Variants in ODR4 observed in about 807,000 individuals in gnomAD.
The protein encoded by ODR4 is odr-4 GPCR localization factor homolog.
A neutral mutation model predicts 60.2 loss-of-function variants in ODR4; 47 were observed. That is an observed-to-expected ratio of 0.78 (90% CI 0.62 to 1.00). The LOEUF (loss-of-function observed/expected upper bound fraction) is 1.00, where lower values mean the gene tolerates loss of function less well. Ranked by LOEUF, ODR4 falls within the 50% of genes least tolerant of loss-of-function variation. The pLI is 0.00. For missense variants in ODR4, 488 were observed against 530.8 expected (o/e 0.92, Z 0.79); for synonymous variants, 178 against 175.5 (o/e 1.01, Z -0.11).
At chr1:186,400,975 A>G (rs955685597) in intron 11 of ODR4, 26 of 1,464,814 alleles carry the variant, frequency 1.8e-5, no homozygotes, top group Non-Finnish European at 2.0e-5. Context: ...CCTGTGGTGT[A>G]AATCATTGCT....
intron 12 of ODR4, among the ~76,000 whole-genome samples, chr1:186,414,867 T>G (rs1358569411): frequency 6.6e-6 from 1 of 152,192 alleles, no homozygotes; most frequent in African/African-American, 2.4e-5. Context: ...AGAGCCGAAG[T>G]TTGTTTTTGT....
chr1:186,423,933 C>A (rs1661841067), downstream of ODR4, among the ~76,000 whole-genome samples: 1 of 152,076 alleles, frequency 6.6e-6, no homozygotes, highest in African/African-American at 2.4e-5. Flanking sequence ...TACAACAATA[C>A]CAATAAAGAT....
chr1:186,429,475 A>G, the ODR4 span, among the ~76,000 whole-genome samples: 356 of 152,274 alleles, frequency 2.3e-3, 2 homozygotes, highest in South Asian at 0.024. Flanking sequence ...TAAGATATGC[A>G]TGTTTAGGAG....
chr1:186,429,154 G>C, the ODR4 span, among the ~76,000 whole-genome samples: 100 of 152,252 alleles, frequency 6.6e-4, no homozygotes, highest in African/African-American at 2.3e-3. Context: ...GGGAGACTGA[G>C]GTGGGAAGAC....
intron 1 of ODR4, among the ~76,000 whole-genome samples, chr1:186,379,443 C>CAAA (rs57320656): frequency 3.4e-5 from 2 of 58,482 alleles, no homozygotes; most frequent in African/African-American, 5.0e-5. Flanking sequence ...AACTCCGTCT[C>CAAA]AAAAAAAAAA....
chr1:186,433,871 G>A, the ODR4 span, among the ~76,000 whole-genome samples: 3 of 152,194 alleles, frequency 2.0e-5, no homozygotes, highest in East Asian at 1.9e-4. Flanking sequence ...GAGCCACCGC[G>A]CCTGGCCAGT....
the ODR4 span, among the ~76,000 whole-genome samples, chr1:186,434,461 A>G: frequency 2.6e-5 from 4 of 152,140 alleles, no homozygotes; most frequent in African/African-American, 9.7e-5. Flanking sequence ...CTGGAACTGG[A>G]AAGAATGGTA....
In ODR4 at chr1:186,393,975, C is replaced by G. The variant is rs1048894319; in HGVS notation, c.740C>G (p.Ala247Gly). 6.6e-7 allele frequency: 1 copy of G among 1,523,638 alleles called. No individual in the cohort carries two copies. The highest frequency in any genetic ancestry group is 1.2e-5 in the South Asian group (1 of 82,332). 94.4% of individuals were successfully genotyped at this position (1,523,638 alleles called of 1,614,324 possible). Residue 247 changes from alanine (A) to glycine (G), a missense_variant, in exon 9 of 14, where the codon GCA becomes GGA. By Grantham distance (60) the Ala-to-Gly change is moderately conservative. Coordinates refer to ENST00000287859, the MANE Select transcript of ODR4 (RefSeq NM_017847.6). ...AAATCTTCTAGAGGAAATACTCAAG[C>G]AACTAGTCATTCTTTTGATGTCAGA... ...QKKSSRGNTQ[A>G]TSHSFDVRVL...
In ODR4 at chr1:186,406,045, A is replaced by T. The variant is rs1661162431; in HGVS notation, c.1001-38A>T. 5.7e-6 allele frequency: 8 copies of T among 1,392,334 alleles called. No individual in the cohort carries two copies. In the East Asian group the frequency reaches 1.2e-4, roughly 22 times the overall value. The allele number at this position is 1,392,334 out of a possible 1,614,324, so 86.2% of individuals were successfully genotyped here. A position where few individuals can be genotyped will look rare whatever the true frequency, so the allele number is the denominator to read the frequency against. On this transcript the variant is annotated intron_variant, in intron 11 of 13. Coordinates refer to ENST00000287859, the MANE Select transcript of ODR4 (RefSeq NM_017847.6). ...TATGTATCACTGATACCAGTGACAA[A>T]CCTATCTAAATATTGATAATATTTC...
At chr1:186,413,542 A>T (rs1661447907) in intron 12 of ODR4, among the ~76,000 whole-genome samples, 1 of 152,180 alleles carries the variant, frequency 6.6e-6, no homozygotes. Flanking sequence ...CTCCTAGTAG[A>T]TGTTAACTTG....
At chr1:186,418,061 G>T (rs923261423) in intron 13 of ODR4, among the ~76,000 whole-genome samples, 3 of 152,126 alleles carry the variant, frequency 2.0e-5, no homozygotes, top group Non-Finnish European at 4.4e-5. Flanking sequence ...AAGGCTCTAA[G>T]AATTACTTTA....
chr1:186,410,537 C>T (rs1024412035), intron 12 of ODR4, among the ~76,000 whole-genome samples: 2 of 152,030 alleles, frequency 1.3e-5, no homozygotes, highest in African/African-American at 2.4e-5. Context: ...AATGTATATG[C>T]GTGATTAGTT....
At chr1:186,383,202 A>G in intron 3 of ODR4, 46 bp downstream of exon 3, 1 of 1,523,878 alleles carries the variant, frequency 6.6e-7, no homozygotes, top group Non-Finnish European at 8.8e-7. Context: ...ATTTCAAAAA[A>G]GAGCTAGAAT....
downstream of ODR4, among the ~76,000 whole-genome samples, chr1:186,424,299 TA>T (rs1401688836): frequency 6.6e-6 from 1 of 152,202 alleles, no homozygotes; most frequent in Non-Finnish European, 1.5e-5. Flanking sequence ...ACAGTTTTTA[TA>T]AAGCTATAAA....
At position 186,406,077 on chromosome 1, in the gene ODR4, T is replaced by A. The variant is rs1558089286; in HGVS notation, c.1001-6T>A. ...TAAATATTGATAATATTTCTTTTCC[T>A]TTTAGATTCTGAAAAAGAGTTCCAC... is the stretch of plus-strand genomic sequence containing the variant. On this transcript the variant is annotated splice_region_variant and splice_polypyrimidine_tract_variant and intron_variant, in intron 11 of 13. Transcript: ENST00000287859. 1 of 1,544,192 alleles carries A rather than the reference T, an allele frequency of 6.5e-7. No individual in the cohort carries two copies. The highest frequency in any genetic ancestry group is 8.7e-7 in the Non-Finnish European group (1 of 1,144,952).
At position 186,419,143 on chromosome 1, in the gene ODR4, G is replaced by A. The variant is rs962361409; in HGVS notation, c.*67G>A. 12 of 1,341,804 alleles carry A rather than the reference G, an allele frequency of 8.9e-6. No homozygotes were observed. The East Asian group carries it at 2.4e-4, about 27-fold the overall frequency. The allele number at this position is 1,341,804 out of a possible 1,614,324, so 83.1% of individuals were successfully genotyped here. ...ACAGACAATTATGAATAATAAAGAT[G>A]TTAACAATCCATCTGTATTTAAAAC... On this transcript the variant is annotated 3_prime_UTR_variant, in exon 14 of 14. Coordinates refer to ENST00000287859, the MANE Select transcript of ODR4 (RefSeq NM_017847.6).
intron 2 of ODR4, 71 bp downstream of exon 2, chr1:186,379,955 A>T: frequency 1.1e-6 from 1 of 912,652 alleles, no homozygotes; most frequent in Non-Finnish European, 1.6e-6. Flanking sequence ...TTACTTGTTG[A>T]TTTAAAGTTA....
At chr1:186,381,168 A>T (rs190084665) in intron 2 of ODR4, among the ~76,000 whole-genome samples, 81 of 152,292 alleles carry the variant, frequency 5.3e-4, no homozygotes, top group Admixed American at 4.9e-3. Context: ...TGTTTAAAAC[A>T]TTTAAGAGAA....
chr1:186,405,159 A>G (rs1661125135), intron 11 of ODR4, among the ~76,000 whole-genome samples: 1 of 152,198 alleles, frequency 6.6e-6, no homozygotes, highest in Admixed American at 6.5e-5. Flanking sequence ...TAAAGAGTCA[A>G]AGGGAAGGTA....
Sources: allele counts gnomAD v4.1 joint callset (sites outside exome capture counted in the v4.1 genomes callset), GRCh38; gene constraint gnomAD v4.1.1; transcripts MANE v1.5; gene names NCBI Gene and HGNC (gene_info 2026-07-23, HGNC 2026-07-21).